Variants in TADA2A observed in about 807,000 individuals in gnomAD.
TADA2A encodes transcriptional adaptor 2A.
In TADA2A, 38 loss-of-function variants were observed where a neutral mutation model predicts 67.4. The ratio of observed to expected loss-of-function variants is 0.56; its 90% CI spans 0.44 to 0.74. The LOEUF is 0.74. TADA2A is among the 30% of genes least tolerant of loss of function. The pLI, the probability that TADA2A is intolerant of heterozygous loss-of-function variation, is 0.00. For synonymous variants in TADA2A, 192 were observed against 181.6 expected (o/e 1.06, Z -0.46); for missense variants, 454 against 547.0 (o/e 0.83, Z 1.70).
chr17:37,415,211 T>C (rs1294069804), intron 2 of TADA2A, among the ~76,000 whole-genome samples: 2 of 152,160 alleles, frequency 1.3e-5, no homozygotes, highest in East Asian at 3.8e-4. Flanking sequence ...GATAGCATAC[T>C]ATATATATGT....
intron 8 of TADA2A, among the ~76,000 whole-genome samples, chr17:37,445,389 C>A (rs2053047619): frequency 6.6e-6 from 1 of 152,216 alleles, no homozygotes; most frequent in Non-Finnish European, 1.5e-5. Context: ...CCTCAGCCTC[C>A]CAAGTAGCTG....
intron 2 of TADA2A, among the ~76,000 whole-genome samples, chr17:37,413,897 C>T (rs2051957494): frequency 6.6e-6 from 1 of 152,004 alleles, no homozygotes. Flanking sequence ...ATTTTGTCAC[C>T]AAGATAATAA....
At chr17:37,407,375 CT>C (rs1368038971) in intron 1 of TADA2A, 1 of 152,338 alleles carries the variant, frequency 6.6e-6, no homozygotes, top group African/African-American at 2.4e-5. Flanking sequence ...GGTAAAATGA[CT>C]GGCCCAGGCC....
chr17:37,444,215 C>T (rs1475243858), intron 7 of TADA2A, among the ~76,000 whole-genome samples: 4 of 149,076 alleles, frequency 2.7e-5, no homozygotes, highest in African/African-American at 1.0e-4. Flanking sequence ...GCCAAGATCA[C>T]ACCACTGCAC....
chr17:37,442,710 GC>G, intron 7 of TADA2A, 58 bp downstream of exon 7: 1 of 1,518,438 alleles, frequency 6.6e-7, no homozygotes, highest in Non-Finnish European at 9.1e-7. Context: ...TTTCTCATGA[GC>G]CTTCTGTCTC....
intron 8 of TADA2A, among the ~76,000 whole-genome samples, chr17:37,455,436 C>CA (rs919246023): frequency 6.6e-6 from 1 of 151,670 alleles, no homozygotes; most frequent in Non-Finnish European, 1.5e-5. Context: ...GGCTGGAGTG[C>CA]AGTGGCGTGA....
At chr17:37,465,198 A>T (rs573371669) in intron 10 of TADA2A, among the ~76,000 whole-genome samples, 12 of 151,998 alleles carry the variant, frequency 7.9e-5, no homozygotes, top group African/African-American at 2.4e-4. Context: ...TCAGTGGTGG[A>T]GATGATCTCC....
At chr17:37,428,234 C>G (rs1050425648) in intron 4 of TADA2A, among the ~76,000 whole-genome samples, 1 of 152,110 alleles carries the variant, frequency 6.6e-6, no homozygotes, top group Admixed American at 6.6e-5. Context: ...ATCAGAAGAT[C>G]ATTAGGCTCA....
At chr17:37,449,958 GAAGTT>G (rs949251437) in intron 8 of TADA2A, among the ~76,000 whole-genome samples, 8 of 152,164 alleles carry the variant, frequency 5.3e-5, no homozygotes, top group African/African-American at 1.9e-4. Flanking sequence ...AGCAGACAAA[GAAGTT>G]AAGTAATTTG....
In TADA2A at chr17:37,423,706, ATC is replaced by A. The variant is rs1491336710; in HGVS notation, c.132+93_132+94del. 2.1e-5 allele frequency: 20 copies of A among 936,464 alleles called. No individual in the cohort carries two copies. In the African/African-American group the frequency reaches 2.9e-4, roughly 13 times the overall value. 58.0% of individuals were successfully genotyped at this position (936,464 alleles called of 1,614,324 possible). A position where few individuals can be genotyped will look rare whatever the true frequency, so the allele number is the denominator to read the frequency against. ...GAGATTACTGTCAACTGCTAAGGAGATCTATGTCTTATTAAATCTATTCCTTC... is the reference window on the plus strand; with the variant it reads ...GAGATTACTGTCAACTGCTAAGGAGATATGTCTTATTAAATCTATTCCTTC... On this transcript the variant is annotated intron_variant, in intron 3 of 15. Coordinates refer to ENST00000615182, the MANE Select transcript of TADA2A (RefSeq NM_001166105.3).
intron 1 of TADA2A, chr17:37,407,826 T>A (rs958837121): frequency 6.6e-6 from 1 of 152,238 alleles, no homozygotes; most frequent in African/African-American, 2.4e-5. Flanking sequence ...TGACCTCAAG[T>A]GATCCTTCCG....
chr17:37,426,781 G>T, intron 3 of TADA2A, 169 bp from the exon 4 acceptor site: 3 of 543,446 alleles, frequency 5.5e-6, no homozygotes, highest in East Asian at 3.4e-5. Context: ...GGAGTTCAAG[G>T]CTGCAGTGAG....
intron 2 of TADA2A, among the ~76,000 whole-genome samples, chr17:37,422,481 G>GATGATGATTATTATT (rs1296355161): frequency 7.3e-6 from 1 of 136,988 alleles, no homozygotes; most frequent in Non-Finnish European, 1.6e-5. Context: ...ATGCCCAGCT[G>GATGATGATTATTATT]ATTATTATTA....
intron 8 of TADA2A, among the ~76,000 whole-genome samples, chr17:37,450,296 C>T (rs1005703057): frequency 4.6e-5 from 7 of 152,098 alleles, no homozygotes; most frequent in African/African-American, 7.2e-5. Flanking sequence ...GGGGAAATGA[C>T]TTAAATAGTG....
intron 11 of TADA2A, among the ~76,000 whole-genome samples, chr17:37,466,175 C>G (rs2148034930): frequency 6.6e-6 from 1 of 152,246 alleles, no homozygotes; most frequent in Admixed American, 6.5e-5. Context: ...AATCCCAGCA[C>G]TTTGGGAGGC....
chr17:37,415,128 C>T (rs570249757), intron 2 of TADA2A, among the ~76,000 whole-genome samples: 2 of 149,610 alleles, frequency 1.3e-5, no homozygotes, highest in South Asian at 4.1e-4. Context: ...GTGATCCACC[C>T]GCCTTGGCCT....
chr17:37,458,540 G>C lies in TADA2A; in HGVS notation c.621G>C (p.Val207=). The C allele has an allele frequency of 6.2e-7, 1 of 1,612,468 alleles. No homozygotes were observed. Among genetic ancestry groups the C allele is most frequent in the Non-Finnish European group, 8.5e-7 (1 of 1,179,324 alleles). ...TATTTGTAGCTCTGAAGATGGCTGT[G>C]GTAGATATCTATCATTCCAGGTTAA... ...SDILHALKMA[V]VDIYHSRLKE... is the part of the protein sequence containing the mutation. Residue 207 remains valine, a synonymous_variant, in exon 9 of 16, where the codon GTG becomes GTC. Transcript: ENST00000615182.
In TADA2A at chr17:37,463,516, G is replaced by A. The variant is rs190602736; in HGVS notation, c.712+1395G>A. Among the ~76,000 whole-genome samples, 424 of 152,046 alleles carry A rather than the reference G, an allele frequency of 2.8e-3. 1 individual carries two copies. Among genetic ancestry groups the A allele is most frequent in the Non-Finnish European group, 4.6e-3 (316 of 67,990 alleles). On this transcript the variant is annotated intron_variant, in intron 10 of 15. Transcript: ENST00000615182. The stretch of plus-strand genomic sequence containing the variant: ...AGCTACTTGGGAGGCTGAGGCAGCG[G>A]ATCACTTGAGCCCAGGAGTTCAAGG...
intron 15 of TADA2A, among the ~76,000 whole-genome samples, chr17:37,476,518 T>C (rs529354382): frequency 6.6e-6 from 1 of 152,244 alleles, no homozygotes; most frequent in African/African-American, 2.4e-5. Flanking sequence ...CAGGAGCACA[T>C]AGTTGTAAAT....
Sources: gnomAD v4.1 joint callset for allele counts (sites outside exome capture counted in the v4.1 genomes callset) on GRCh38, gnomAD v4.1.1 for gene constraint, MANE v1.5 for transcripts, NCBI Gene and HGNC (gene_info 2026-07-23, HGNC 2026-07-21) for gene names.